Variants in CDK13 observed in about 807,000 individuals in gnomAD.
CDK13 encodes the protein cyclin-dependent kinase 13.
A neutral mutation model predicts 137.6 loss-of-function variants in CDK13; 40 were observed. That is an observed-to-expected ratio of 0.29 (90% confidence interval 0.23 to 0.38). The LOEUF (loss-of-function observed/expected upper bound fraction) is 0.38, where lower values mean the gene tolerates loss of function less well. CDK13 is among the 10% of genes least tolerant of loss of function. The pLI is 1.00. For synonymous variants in CDK13, 869 were observed against 760.1 expected, an observed-to-expected ratio of 1.14 and a Z score of -2.36; for missense variants, 1,704 against 1,951.8, an observed-to-expected ratio of 0.87 and a Z score of 2.39.
chr7:39,997,932 T>C (rs1784598036), intron 3 of CDK13: 1 of 305,186 alleles, frequency 3.3e-6, no homozygotes, highest in Non-Finnish European at 6.1e-6. Flanking sequence ...TACTTTCTGT[T>C]ATTAAGAGAT....
At chr7:40,075,803 G>A (rs1169416493) in intron 9 of CDK13, among the ~76,000 whole-genome samples, 4 of 152,064 alleles carry the variant, frequency 2.6e-5, no homozygotes, top group African/African-American at 4.8e-5. Flanking sequence ...GAAGCCAGGC[G>A]TTCAAGACCA....
At chr7:40,056,894 CAA>C (rs1439885903) in intron 7 of CDK13, among the ~76,000 whole-genome samples, 1 of 152,190 alleles carries the variant, frequency 6.6e-6, no homozygotes, top group East Asian at 1.9e-4. Context: ...ACTTTTGTAA[CAA>C]AGAGAACCAC....
chr7:40,062,812 T>C lies in CDK13; in HGVS notation c.2601-14T>C. ...CAAATACTAACTCTAAAGACTGTTTTCTGTGTTTTTTAGTCGGCCGTATAC... is the reference window on the plus strand; with the variant it reads ...CAAATACTAACTCTAAAGACTGTTTCCTGTGTTTTTTAGTCGGCCGTATAC... On this transcript the variant is annotated splice_polypyrimidine_tract_variant and intron_variant, in intron 7 of 13. Transcript: ENST00000181839. 2 of 1,560,238 alleles carry C rather than the reference T, an allele frequency of 1.3e-6. No individual in the cohort carries two copies. The highest frequency in any genetic ancestry group is 1.8e-6 in the Non-Finnish European group (2 of 1,131,386).
chr7:39,992,051 CA>C (rs1784464908), intron 2 of CDK13, among the ~76,000 whole-genome samples: 1 of 149,688 alleles, frequency 6.7e-6, no homozygotes, highest in Non-Finnish European at 1.5e-5. Flanking sequence ...GACCCTGTCT[CA>C]AAAAAAGGAA....
chr7:40,088,555 G>T (rs932274286), intron 12 of CDK13, among the ~76,000 whole-genome samples: 1 of 152,120 alleles, frequency 6.6e-6, no homozygotes, highest in Non-Finnish European at 1.5e-5. Context: ...TACCTGACTG[G>T]CAAGTCCTCG....
chr7:39,984,003 G>A (rs1188620288), intron 1 of CDK13: 3 of 152,122 alleles, frequency 2.0e-5, no homozygotes, highest in Non-Finnish European at 4.4e-5. Context: ...TTTTGAAAGA[G>A]GGGGGTAGAT....
intron 11 of CDK13, among the ~76,000 whole-genome samples, chr7:40,084,837 A>G (rs1310205390): frequency 1.3e-5 from 2 of 152,186 alleles, no homozygotes; most frequent in Non-Finnish European, 2.9e-5. Flanking sequence ...ATTTTTAAAG[A>G]CAAGGAAAAT....
intron 6 of CDK13, among the ~76,000 whole-genome samples, 173 bp downstream of exon 6, chr7:40,046,198 C>G (rs906634606): frequency 2.6e-5 from 4 of 151,894 alleles, no homozygotes; most frequent in East Asian, 3.9e-4. Context: ...GAAGCCTAAC[C>G]CCTACTATTA....
intron 7 of CDK13, among the ~76,000 whole-genome samples, chr7:40,050,718 A>ATGT (rs1183478757): frequency 7.2e-5 from 11 of 152,190 alleles, no homozygotes; most frequent in African/African-American, 2.4e-4. Context: ...GACTAAATTA[A>ATGT]TGTGGCTATT....
intron 9 of CDK13, among the ~76,000 whole-genome samples, chr7:40,064,144 C>T (rs972934974): frequency 2.8e-4 from 43 of 151,836 alleles, no homozygotes; most frequent in East Asian, 2.0e-4. Context: ...ATTAGCCCGG[C>T]GTGGTGGCCC....
intron 2 of CDK13, among the ~76,000 whole-genome samples, chr7:39,991,126 T>C (rs1038825801): frequency 4.6e-5 from 7 of 152,234 alleles, no homozygotes; most frequent in African/African-American, 1.7e-4. Context: ...TTCATGTATC[T>C]GAAAGTAATG....
In CDK13 at chr7:40,053,880, A is replaced by T. The variant is rs564313381; in HGVS notation, c.2600+6003A>T. 8.5e-5 allele frequency among the ~76,000 whole-genome samples: 13 copies of T among 152,260 alleles called. No homozygotes were observed. The South Asian group carries it at 2.7e-3, about 32-fold the overall frequency. On this transcript the variant is annotated intron_variant, in intron 7 of 13. Transcript: ENST00000181839. ...TTATTTTAAAAGAAAGTTGAGATGG[A>T]TGATGTAGGTATCATTCTTATGTAC...
intron 5 of CDK13, among the ~76,000 whole-genome samples, chr7:40,039,051 G>A (rs892308268): frequency 3.3e-5 from 5 of 152,108 alleles, no homozygotes; most frequent in African/African-American, 1.2e-4. Flanking sequence ...GGGGCGCTTC[G>A]CTCTTTTTTC....
intron 11 of CDK13, among the ~76,000 whole-genome samples, chr7:40,086,886 C>T (rs1472383822): frequency 6.9e-6 from 1 of 145,194 alleles, no homozygotes; most frequent in Admixed American, 7.2e-5. Context: ...GATCTTGGCT[C>T]TCTGCAGCCT....
intron 5 of CDK13, among the ~76,000 whole-genome samples, chr7:40,041,275 A>C (rs1192004190): frequency 6.6e-6 from 1 of 152,092 alleles, no homozygotes; most frequent in Non-Finnish European, 1.5e-5. Context: ...GCAGTGAGCC[A>C]AGATCGTGCC....
intron 2 of CDK13, among the ~76,000 whole-genome samples, chr7:39,992,821 A>G (rs1205690934): frequency 6.6e-6 from 1 of 152,024 alleles, no homozygotes; most frequent in Non-Finnish European, 1.5e-5. Context: ...TAATCTGGAA[A>G]TTACTTGTGC....
chr7:40,003,133 AGACTCCT>A (rs1334501148), intron 5 of CDK13, among the ~76,000 whole-genome samples: 1 of 144,878 alleles, frequency 6.9e-6, no homozygotes, highest in East Asian at 2.2e-4. Flanking sequence ...CATGGTACTT[AGACTCCT>A]GTCTTCCCCA....
At position 40,069,503 on chromosome 7, in the gene CDK13, A is replaced by T. The variant is rs1361199648; in HGVS notation, c.2780+6403A>T. On this transcript the variant is annotated intron_variant, in intron 9 of 13. Transcript: ENST00000181839. ...TCAAAAGTAAAAGAGGACTGATAAC[A>T]TGCTTAGGGTTGTGAGAATTAAATG... 7 of 322,270 alleles carry T rather than the reference A, an allele frequency of 2.2e-5. No individual in the cohort carries two copies. In the East Asian group the frequency reaches 5.3e-4, roughly 24 times the overall value. The allele number at this position is 322,270 out of a possible 1,614,324, so 20.0% of individuals were successfully genotyped here.
intron 5 of CDK13, among the ~76,000 whole-genome samples, chr7:40,039,759 A>G (rs1328833746): frequency 1.3e-5 from 2 of 152,000 alleles, no homozygotes; most frequent in African/African-American, 4.8e-5. Flanking sequence ...ATCACTCTGC[A>G]GTGTAAGTTG....
Sources: allele counts gnomAD v4.1 joint callset (sites outside exome capture counted in the v4.1 genomes callset), GRCh38; gene constraint gnomAD v4.1.1; transcripts MANE v1.5; gene names NCBI Gene and HGNC (gene_info 2026-07-23, HGNC 2026-07-21).